S100G: variants seen among roughly 807,000 people sequenced by gnomAD.
S100G encodes the protein S100 calcium binding protein G.
In S100G, 4 loss-of-function variants were observed where a neutral mutation model predicts 4.4. The ratio of observed to expected loss-of-function variants is 0.91; its 90% CI spans 0.45 to 2.09. The LOEUF (loss-of-function observed/expected upper bound fraction) is 2.09, where lower values mean the gene tolerates loss of function less well. S100G is among the 30% of genes most tolerant of loss of function. The probability of loss-of-function intolerance (pLI) is 0.03; values close to 1 mark genes in which losing one functional copy is unlikely to be tolerated. For missense variants in S100G, 48 were observed against 49.8 expected (o/e 0.96, Z 0.11); for synonymous variants, 24 against 20.1 (o/e 1.20, Z -0.53).
Position 16,654,406 on chromosome X carries a change from G to A in S100G, c.137G>A (p.Gly46Asp), listed in dbSNP as rs781223162. 60 of 1,166,465 alleles carry A rather than the reference G, an allele frequency of 5.1e-5. No homozygotes were observed. The highest frequency in any genetic ancestry group is 6.5e-5 in the Non-Finnish European group (56 of 867,280). The change falls in exon 3 of 3, where the codon GGT (glycine) becomes GAT (aspartate). Residue 46 changes from glycine to aspartate, a missense_variant and splice_region_variant. Gly to Asp is a moderately conservative substitution (Grantham distance 94). Transcript: ENST00000380200. Reference sequence around the variant, plus strand: ...CCCATCCTTTTTTATGTAAAACAGGGTCCAAACACCCTAGATGATCTCTTT... The same window carrying A: ...CCCATCCTTTTTTATGTAAAACAGGATCCAAACACCCTAGATGATCTCTTT... ...IQAEFPSLLK[G>D]PNTLDDLFQE...
chrX:16,653,934 G>T (rs1337196950), intron 2 of S100G, among the ~76,000 whole-genome samples: 1 of 110,870 alleles, frequency 9.0e-6, no homozygotes, highest in Admixed American at 9.7e-5. Context: ...TGGTCGGAAG[G>T]ATTACAGAAG....
At chrX:16,652,053 A>G (rs2147265566) in intron 2 of S100G, among the ~76,000 whole-genome samples, 1 of 111,176 alleles carries the variant, frequency 9.0e-6, no homozygotes, top group East Asian at 2.8e-4. Flanking sequence ...TACCAAGGAA[A>G]TATCCAGGAT....
intron 2 of S100G, among the ~76,000 whole-genome samples, chrX:16,653,109 C>CAT (rs770365120): frequency 2.4e-4 from 26 of 109,333 alleles, no homozygotes; most frequent in Middle Eastern, 4.3e-3. Context: ...TTTATATATA[C>CAT]ATATATATAT....
intron 2 of S100G, 70 bp downstream of exon 2, chrX:16,651,211 C>A: frequency 1.0e-6 from 1 of 998,798 alleles, no homozygotes; most frequent in Non-Finnish European, 1.4e-6. Flanking sequence ...GGGGAGAGGA[C>A]TCCGGTAGAG....
intron 2 of S100G, 100 bp from the exon 3 acceptor site, chrX:16,654,305 G>T: frequency 2.0e-6 from 1 of 509,300 alleles, no homozygotes; most frequent in Non-Finnish European, 3.2e-6. Flanking sequence ...CTGCCTTCTT[G>T]GCACACAGAC....
At chrX:16,653,701 G>A (rs771846402) in intron 2 of S100G, among the ~76,000 whole-genome samples, 10 of 112,153 alleles carry the variant, frequency 8.9e-5, no homozygotes, top group Admixed American at 8.5e-4. Flanking sequence ...CAAGCCTATC[G>A]TGTGATTCTG....
intron 1 of S100G, among the ~76,000 whole-genome samples, chrX:16,650,629 C>T (rs904384549): frequency 3.8e-5 from 4 of 105,484 alleles, no homozygotes; most frequent in African/African-American, 7.0e-5. Context: ...TCTCCTGCCT[C>T]GGTCTTCCAA....
intron 2 of S100G, among the ~76,000 whole-genome samples, chrX:16,652,131 A>G (rs1932675871): frequency 8.9e-6 from 1 of 111,778 alleles, no homozygotes; most frequent in Non-Finnish European, 1.9e-5. Flanking sequence ...TCAAATATTA[A>G]GGGTAGTCAG....
At chrX:16,650,747 G>A (rs972885228) in intron 1 of S100G, among the ~76,000 whole-genome samples, 1 of 110,186 alleles carries the variant, frequency 9.1e-6, no homozygotes, top group Non-Finnish European at 1.9e-5. Flanking sequence ...CTGACTTCAA[G>A]TGATCCACCC....
At position 16,654,600 on chromosome X, in the gene S100G, T is replaced by C. The variant is rs1932774758; in HGVS notation, c.*91T>C. On this transcript the variant is annotated 3_prime_UTR_variant, in exon 3 of 3. Transcript: ENST00000380200. ...GTGGAATCCCCCAAAGTCTCTGGTT[T>C]AATTCTTTGCAATTATAATAACCTG... 2 of 463,981 alleles carry C rather than the reference T, an allele frequency of 4.3e-6. No homozygotes were observed. Among genetic ancestry groups the C allele is most frequent in the African/African-American group, 4.9e-5 (2 of 41,151 alleles). 38.2% of individuals were successfully genotyped at this position (463,981 alleles called of 1,213,427 possible).
At chrX:16,654,383 C>T in intron 2 of S100G, 22 bp from the exon 3 acceptor site, 1 of 1,043,477 alleles carries the variant, frequency 9.6e-7, no homozygotes. Context: ...TCCCTTCTCC[C>T]ATCCTTTTTT....
At chrX:16,653,096 C>T (rs1234960014) in intron 2 of S100G, among the ~76,000 whole-genome samples, 1 of 110,470 alleles carries the variant, frequency 9.1e-6, no homozygotes, top group African/African-American at 3.3e-5. Flanking sequence ...TTTTTTACCA[C>T]AATTTATATA....
At chrX:16,653,677 T>G (rs372501723) in intron 2 of S100G, among the ~76,000 whole-genome samples, 8,843 of 111,660 alleles carry the variant, frequency 0.079, 358 homozygotes, top group South Asian at 0.12. Context: ...GCAGTCTGTA[T>G]TTACTAAGGT....
At chrX:16,654,376 C>A in intron 2 of S100G, 29 bp from the exon 3 acceptor site, 1 of 1,008,100 alleles carries the variant, frequency 9.9e-7, no homozygotes, top group Non-Finnish European at 1.4e-6. Flanking sequence ...TCTCCCCTCC[C>A]TTCTCCCATC....
chrX:16,653,339 T>C (rs1160627282), intron 2 of S100G, among the ~76,000 whole-genome samples: 2 of 112,031 alleles, frequency 1.8e-5, no homozygotes, highest in African/African-American at 6.5e-5. Flanking sequence ...TCTCAAGCAG[T>C]GGTTCTCCAA....
At chrX:16,653,034 T>C (rs936827373) in intron 2 of S100G, among the ~76,000 whole-genome samples, 1 of 111,546 alleles carries the variant, frequency 9.0e-6, no homozygotes, top group African/African-American at 3.3e-5. Context: ...TACTTAGCAC[T>C]ACTGAACTGT....
intron 1 of S100G, among the ~76,000 whole-genome samples, chrX:16,650,606 G>A (rs369820804): frequency 1.0e-5 from 1 of 99,681 alleles, no homozygotes; most frequent in African/African-American, 3.8e-5. Flanking sequence ...TCCGCCTCCC[G>A]GGTTCAAGCG....
intron 2 of S100G, among the ~76,000 whole-genome samples, chrX:16,652,865 G>C (rs749026807): frequency 9.0e-6 from 1 of 111,558 alleles, no homozygotes; most frequent in East Asian, 2.8e-4. Context: ...ATCTAGTAAA[G>C]GCTTCAGGAA....
In S100G at chrX:16,651,043, A is replaced by G. The variant is rs778649375; in HGVS notation, c.37A>G (p.Ile13Val). 8.3e-7 allele frequency: 1 copy of G among 1,206,377 alleles called. No homozygotes were observed. The highest frequency in any genetic ancestry group is 1.1e-6 in the Non-Finnish European group (1 of 890,920). Residue 13 changes from isoleucine (I) to valine (V), a missense_variant, in exon 2 of 3, where the codon ATT becomes GTT. By Grantham distance (29) the Ile-to-Val change is conservative. Coordinates refer to ENST00000380200, the MANE Select transcript of S100G (RefSeq NM_004057.3). ...TKKSPEELKR[I>V]FEKYAAKEGD... ...AAAGTCTCCTGAGGAACTGAAGAGG[A>G]TTTTTGAAAAATATGCAGCCAAAGA...
Sources: allele counts gnomAD v4.1 joint callset (sites outside exome capture counted in the v4.1 genomes callset), GRCh38; gene constraint gnomAD v4.1.1; transcripts MANE v1.5; gene names NCBI Gene and HGNC (gene_info 2026-07-23, HGNC 2026-07-21).